The following FAM168A variants were observed in gnomAD, a reference collection of about 807,000 sequenced individuals.
FAM168A encodes family with sequence similarity 168 member A.
Under a neutral mutation model 28.5 loss-of-function variants are expected in FAM168A, and 3 were observed. That is an observed-to-expected ratio of 0.11 (90% CI 0.05 to 0.27). The LOEUF is 0.27. Ranked by LOEUF, FAM168A falls within the 10% of genes least tolerant of loss-of-function variation. The pLI is 1.00. For synonymous variants in FAM168A, 122 were observed against 124.2 expected, an observed-to-expected ratio of 0.98 and a Z score of 0.12; for missense variants, 222 against 311.5, an observed-to-expected ratio of 0.71 and a Z score of 2.16.
At chr11:73,419,814 C>T (rs968730547) in intron 4 of FAM168A, 60 bp downstream of exon 4, 2 of 1,583,966 alleles carry the variant, frequency 1.3e-6, no homozygotes, top group African/African-American at 1.4e-5. Flanking sequence ...TTCCTTTCTT[C>T]CTAAGAAACA....
At chr11:73,525,578 T>C (rs908698109) in intron 1 of FAM168A, among the ~76,000 whole-genome samples, 2 of 152,216 alleles carry the variant, frequency 1.3e-5, no homozygotes, top group African/African-American at 2.4e-5. Context: ...TTGTTCCTTA[T>C]ATAACCTTTG....
intron 1 of FAM168A, among the ~76,000 whole-genome samples, chr11:73,560,953 C>A (rs1404861857): frequency 1.3e-5 from 2 of 151,526 alleles, no homozygotes; most frequent in African/African-American, 4.9e-5. Flanking sequence ...TGCAGCTACT[C>A]AGGAGGCCGA....
At chr11:73,559,420 T>G (rs545450447) in intron 1 of FAM168A, among the ~76,000 whole-genome samples, 107 of 151,876 alleles carry the variant, frequency 7.0e-4, no homozygotes, top group African/African-American at 2.4e-3. Context: ...ACCACTGCAC[T>G]CCAGCCTGAG....
At chr11:73,426,854 C>T (rs1038896515) in intron 3 of FAM168A, among the ~76,000 whole-genome samples, 11 of 152,104 alleles carry the variant, frequency 7.2e-5, no homozygotes, top group African/African-American at 2.7e-4. Context: ...TACTCTAACG[C>T]TACCCTCTCT....
chr11:73,565,570 C>G (rs1944012204), intron 1 of FAM168A, among the ~76,000 whole-genome samples: 1 of 144,758 alleles, frequency 6.9e-6, no homozygotes, highest in Admixed American at 6.6e-5. Context: ...TTTCTTGGAG[C>G]TACTATAGGA....
At chr11:73,575,360 T>C (rs1944159591) in intron 1 of FAM168A, among the ~76,000 whole-genome samples, 1 of 152,214 alleles carries the variant, frequency 6.6e-6, no homozygotes, top group Non-Finnish European at 1.5e-5. Flanking sequence ...TATAATATTA[T>C]TTTTGAGCCA....
intron 3 of FAM168A, among the ~76,000 whole-genome samples, chr11:73,422,983 G>A (rs1055277728): frequency 6.6e-6 from 1 of 152,214 alleles, no homozygotes; most frequent in African/African-American, 2.4e-5. Flanking sequence ...ACAATGTACT[G>A]AGTCAGGAAA....
chr11:73,509,802 T>C (rs1454589859), intron 1 of FAM168A, among the ~76,000 whole-genome samples: 1 of 152,046 alleles, frequency 6.6e-6, no homozygotes, highest in African/African-American at 2.4e-5. Context: ...GAAGTATGTG[T>C]TCACTTTCCC....
At chr11:73,495,931 C>G (rs1245026275) in intron 1 of FAM168A, among the ~76,000 whole-genome samples, 1 of 152,148 alleles carries the variant, frequency 6.6e-6, no homozygotes, top group Non-Finnish European at 1.5e-5. Context: ...CATATACATT[C>G]AAAAGAATTT....
intron 1 of FAM168A, among the ~76,000 whole-genome samples, chr11:73,538,891 G>A (rs1344040192): frequency 6.6e-6 from 1 of 152,172 alleles, no homozygotes; most frequent in Non-Finnish European, 1.5e-5. Context: ...CTAAAAGTAA[G>A]CATCATTTGT....
At chr11:73,471,258 T>G (rs576648053) in intron 1 of FAM168A, among the ~76,000 whole-genome samples, 25 of 152,318 alleles carry the variant, frequency 1.6e-4, no homozygotes, top group Non-Finnish European at 2.9e-4. Context: ...AAATCCTGGA[T>G]CTGCCACATA....
At position 73,563,514 on chromosome 11, in the gene FAM168A, T is replaced by C. The variant is rs544025757; in HGVS notation, c.-19+34409A>G. Among the ~76,000 whole-genome samples the C allele has an allele frequency of 4.3e-4, 65 of 152,190 alleles. 1 individual carries two copies. Among genetic ancestry groups the C allele is most frequent in the Admixed American group, 1.6e-3 (25 of 15,270 alleles). On this transcript the variant is annotated intron_variant, in intron 1 of 7. Coordinates refer to ENST00000356467, the MANE Select transcript of FAM168A (RefSeq NM_015159.3). ...GTGCTGAGCAGTAGGAGGAAAACAG[T>C]AAGTATGTAAGATGCCATCCATTCT...
At chr11:73,555,432 A>C (rs994754625) in intron 1 of FAM168A, among the ~76,000 whole-genome samples, 1 of 152,058 alleles carries the variant, frequency 6.6e-6, no homozygotes, top group Non-Finnish European at 1.5e-5. Context: ...TAAGGCACAA[A>C]GGAAAAATGG....
At chr11:73,463,126 A>T (rs992244450) in intron 2 of FAM168A, among the ~76,000 whole-genome samples, 12 of 151,316 alleles carry the variant, frequency 7.9e-5, no homozygotes, top group African/African-American at 2.7e-4. Context: ...GCGCCACCAC[A>T]TCTGGTTATT....
At chr11:73,424,405 C>A (rs1866847464) in intron 3 of FAM168A, among the ~76,000 whole-genome samples, 1 of 152,160 alleles carries the variant, frequency 6.6e-6, no homozygotes, top group Non-Finnish European at 1.5e-5. Flanking sequence ...GGGACCCTCA[C>A]AGGTGCCCAG....
At position 73,519,794 on chromosome 11, in the gene FAM168A, G is replaced by A. The variant is rs138190148; in HGVS notation, c.-18-51302C>T. Among the ~76,000 whole-genome samples, 7 of 148,948 alleles carry A rather than the reference G, an allele frequency of 4.7e-5. No individual in the cohort carries two copies. In the South Asian group the frequency reaches 1.0e-3, roughly 22 times the overall value. On this transcript the variant is annotated intron_variant, in intron 1 of 7. Coordinates refer to ENST00000356467, the MANE Select transcript of FAM168A (RefSeq NM_015159.3). ...AGAGCATGTATGTGTGTGTGTGTGT[G>A]CGTGTGCGTTTGTGTGTGTATACAT...
chr11:73,524,305 C>T (rs1167754045), intron 1 of FAM168A, among the ~76,000 whole-genome samples: 1 of 151,672 alleles, frequency 6.6e-6, no homozygotes, highest in African/African-American at 2.4e-5. Flanking sequence ...CACATGTGTA[C>T]TTAAGTCCTG....
At chr11:73,511,197 G>A (rs61893572) in intron 1 of FAM168A, among the ~76,000 whole-genome samples, 4,276 of 151,770 alleles carry the variant, frequency 0.028, 125 homozygotes, top group Non-Finnish European at 0.04. Flanking sequence ...TTCCTCCCTC[G>A]GGTAAAGGGA....
At chr11:73,536,579 C>T (rs547161345) in intron 1 of FAM168A, among the ~76,000 whole-genome samples, 2 of 152,084 alleles carry the variant, frequency 1.3e-5, no homozygotes, top group African/African-American at 2.4e-5. Flanking sequence ...CCCAGCTACT[C>T]GGGAGGCTGA....
Sources: allele counts gnomAD v4.1 joint callset (sites outside exome capture counted in the v4.1 genomes callset), GRCh38; gene constraint gnomAD v4.1.1; transcripts MANE v1.5; gene names NCBI Gene and HGNC (gene_info 2026-07-23, HGNC 2026-07-21).